The following GRXCR1 variants were observed in gnomAD, a reference collection of about 807,000 sequenced individuals.
The protein encoded by GRXCR1 is glutaredoxin domain-containing cysteine-rich protein 1.
Under a neutral mutation model 27.3 loss-of-function variants are expected in GRXCR1, and 27 were observed. That is an observed-to-expected ratio of 0.99 (90% CI 0.73 to 1.37). GRXCR1 has a LOEUF of 1.37. GRXCR1 is among the 40% of genes most tolerant of loss of function. The pLI is 0.00. For synonymous variants in GRXCR1, 122 were observed against 131.1 expected (o/e 0.93, Z 0.47); for missense variants, 379 against 354.4 (o/e 1.07, Z -0.56).
chr4:42,943,442 C>T (rs555430311), intron 1 of GRXCR1, among the ~76,000 whole-genome samples: 10 of 152,120 alleles, frequency 6.6e-5, no homozygotes, highest in African/African-American at 2.4e-4. Flanking sequence ...TTATGGATCG[C>T]TAGAAGTACT....
chr4:42,934,240 T>TTTTATATA (rs35232999), intron 1 of GRXCR1, among the ~76,000 whole-genome samples: 2 of 146,440 alleles, frequency 1.4e-5, no homozygotes, highest in Admixed American at 6.9e-5. Context: ...TGATGTGATA[T>TTTTATATA]TATATATATA....
chr4:42,987,254 T>TAATATATATA (rs1223054072), intron 2 of GRXCR1, among the ~76,000 whole-genome samples: 1 of 67,002 alleles, frequency 1.5e-5, no homozygotes, highest in African/African-American at 5.3e-5. Flanking sequence ...ATATAATATA[T>TAATATATATA]ATATATAATA....
At chr4:42,948,172 T>C (rs1392294931) in intron 1 of GRXCR1, among the ~76,000 whole-genome samples, 1 of 151,968 alleles carries the variant, frequency 6.6e-6, no homozygotes, top group Non-Finnish European at 1.5e-5. Flanking sequence ...TTCCTTTTCA[T>C]GTAATGCGAA....
At chr4:42,966,805 T>A (rs1350219611) in intron 2 of GRXCR1, among the ~76,000 whole-genome samples, 1 of 152,142 alleles carries the variant, frequency 6.6e-6, no homozygotes, top group Non-Finnish European at 1.5e-5. Flanking sequence ...ATGTGGAACA[T>A]CTTTTTAATA....
At chr4:43,005,327 G>A (rs1242499949) in intron 2 of GRXCR1, among the ~76,000 whole-genome samples, 1 of 152,142 alleles carries the variant, frequency 6.6e-6, no homozygotes, top group African/African-American at 2.4e-5. Context: ...CTTTATAGCA[G>A]TTTGGGAACA....
chr4:42,986,598 C>T (rs764369843), intron 2 of GRXCR1, among the ~76,000 whole-genome samples: 7 of 152,082 alleles, frequency 4.6e-5, no homozygotes, highest in East Asian at 1.9e-4. Context: ...TGCTGAATGC[C>T]GATCTATACT....
chr4:42,953,735 T>A (rs1560662906), intron 1 of GRXCR1, among the ~76,000 whole-genome samples: 1 of 152,174 alleles, frequency 6.6e-6, no homozygotes, highest in Non-Finnish European at 1.5e-5. Flanking sequence ...GGTTGAAGAC[T>A]GTGGATTTGG....
At chr4:42,930,971 A>G (rs1747291456) in intron 1 of GRXCR1, among the ~76,000 whole-genome samples, 1 of 152,006 alleles carries the variant, frequency 6.6e-6, no homozygotes, top group African/African-American at 2.4e-5. Context: ...TAGGATTAGT[A>G]ACAACAGTTA....
At chr4:42,981,153 A>G (rs1343661084) in intron 2 of GRXCR1, among the ~76,000 whole-genome samples, 1 of 135,078 alleles carries the variant, frequency 7.4e-6, no homozygotes, top group Non-Finnish European at 1.6e-5. Flanking sequence ...CTGTAGTGGT[A>G]TTTTTTTTTT....
chr4:42,940,381 T>C (rs902971141), intron 1 of GRXCR1, among the ~76,000 whole-genome samples: 15 of 152,120 alleles, frequency 9.9e-5, no homozygotes, highest in African/African-American at 3.4e-4. Context: ...TGGCATTTTG[T>C]CCTGCAACCT....
intron 1 of GRXCR1, among the ~76,000 whole-genome samples, chr4:42,952,977 C>T (rs146460438): frequency 1.3e-4 from 20 of 152,246 alleles, no homozygotes; most frequent in African/African-American, 4.8e-4. Context: ...AGAATTTGAG[C>T]GGTCCTACGT....
In GRXCR1 at chr4:42,961,358, C is replaced by T. The variant is rs529493368; in HGVS notation, c.385-1534C>T. 2.0e-4 allele frequency among the ~76,000 whole-genome samples: 30 copies of T among 152,010 alleles called. 1 individual carries two copies. The South Asian group carries it at 3.9e-3, about 20-fold the overall frequency. ...TGCAGTATGTGCCAAATCCAGTCTT[C>T]AGAAATATTGGTCCACATGATCTTT... On this transcript the variant is annotated intron_variant, in intron 1 of 3. Coordinates refer to ENST00000399770, the MANE Select transcript of GRXCR1 (RefSeq NM_001080476.3).
chr4:43,001,576 C>T (rs538286229), intron 2 of GRXCR1, among the ~76,000 whole-genome samples: 1 of 151,818 alleles, frequency 6.6e-6, no homozygotes, highest in Non-Finnish European at 1.5e-5. Flanking sequence ...GTGTATGTGT[C>T]TCATTGGAAG....
intron 2 of GRXCR1, among the ~76,000 whole-genome samples, chr4:43,009,937 A>G (rs1712686585): frequency 6.6e-6 from 1 of 152,170 alleles, no homozygotes; most frequent in Non-Finnish European, 1.5e-5. Flanking sequence ...CAAACAAGTT[A>G]TGCATTTATT....
chr4:42,913,981 G>A (rs939258849), intron 1 of GRXCR1, among the ~76,000 whole-genome samples: 1 of 152,206 alleles, frequency 6.6e-6, no homozygotes. Flanking sequence ...AAGAATTGAG[G>A]TTTGGGAATC....
intron 1 of GRXCR1, among the ~76,000 whole-genome samples, chr4:42,937,474 G>A (rs925751752): frequency 6.6e-6 from 1 of 151,766 alleles, no homozygotes; most frequent in African/African-American, 2.4e-5. Context: ...GGATGTCATT[G>A]TTTCTAGGAC....
chr4:42,981,254 A>T (rs1218221370), intron 2 of GRXCR1, among the ~76,000 whole-genome samples: 2 of 151,990 alleles, frequency 1.3e-5, no homozygotes, highest in Non-Finnish European at 2.9e-5. Flanking sequence ...CTTATAAAAA[A>T]CATCTTATTT....
At chr4:42,936,549 G>T (rs908856712) in intron 1 of GRXCR1, among the ~76,000 whole-genome samples, 1 of 151,714 alleles carries the variant, frequency 6.6e-6, no homozygotes, top group Non-Finnish European at 1.5e-5. Flanking sequence ...AATAAGTGTG[G>T]TACATTTGTC....
chr4:42,927,939 AG>A (rs1267474573), intron 1 of GRXCR1, among the ~76,000 whole-genome samples: 2 of 152,010 alleles, frequency 1.3e-5, no homozygotes, highest in East Asian at 3.9e-4. Context: ...AACCAATAAA[AG>A]AAAACCAAAC....
Sources: allele counts gnomAD v4.1 joint callset (sites outside exome capture counted in the v4.1 genomes callset), GRCh38; gene constraint gnomAD v4.1.1; transcripts MANE v1.5; gene names NCBI Gene and HGNC (gene_info 2026-07-23, HGNC 2026-07-21).